Variants in CLIP2 observed in about 807,000 individuals in gnomAD.
The protein encoded by CLIP2 is CAP-Gly domain containing linker protein 2, also known as CAP-Gly domain-containing linker protein 2.
In CLIP2, 41 loss-of-function variants were observed where a neutral mutation model predicts 111.7. The ratio of observed to expected loss-of-function variants is 0.37; its 90% CI spans 0.29 to 0.48. The LOEUF is 0.48. Ranked by LOEUF, CLIP2 falls within the 20% of genes least tolerant of loss-of-function variation. CLIP2 has a pLI of 0.99. For synonymous variants in CLIP2, 660 were observed against 644.2 expected (o/e 1.02, Z -0.37); for missense variants, 1,160 against 1,422.1 (o/e 0.82, Z 2.96).
intron 8 of CLIP2, among the ~76,000 whole-genome samples, chr7:74,372,347 T>C (rs1310457287): frequency 7.3e-6 from 1 of 136,946 alleles, no homozygotes; most frequent in Non-Finnish European, 1.5e-5. Context: ...AGGGGTCGGG[T>C]ATATTTTGGA....
chr7:74,359,187 T>C (rs1472127472), intron 6 of CLIP2, among the ~76,000 whole-genome samples: 3 of 151,638 alleles, frequency 2.0e-5, no homozygotes, highest in African/African-American at 7.3e-5. Context: ...CAGGCTGGTC[T>C]TGAACTCCTG....
chr7:74,375,002 TA>T (rs1172538971), intron 9 of CLIP2, among the ~76,000 whole-genome samples: 1 of 152,062 alleles, frequency 6.6e-6, no homozygotes, highest in African/African-American at 2.4e-5. Context: ...ATATCCTTCC[TA>T]AGGCAGGATA....
At chr7:74,349,470 GTATATATATA>G (rs1158400867) in intron 3 of CLIP2, among the ~76,000 whole-genome samples, 30 of 33,780 alleles carry the variant, frequency 8.9e-4, no homozygotes, top group South Asian at 3.6e-3. Flanking sequence ...GTGTGTGTGT[GTATATATATA>G]TATATATATA....
chr7:74,354,547 G>T (rs1293361), intron 4 of CLIP2, among the ~76,000 whole-genome samples: 1 of 151,846 alleles, frequency 6.6e-6, no homozygotes, highest in Non-Finnish European at 1.5e-5. Context: ...CTGGGGAGGC[G>T]TCGGTTGCAG....
At chr7:74,389,391 G>A (rs572769005) in intron 13 of CLIP2, 132 bp downstream of exon 13, 12 of 854,700 alleles carry the variant, frequency 1.4e-5, no homozygotes, top group Middle Eastern at 3.6e-4. Flanking sequence ...GATCTCGAGC[G>A]ATCACCCTGC....
chr7:74,400,970 T>C (rs1206829674), intron 15 of CLIP2, among the ~76,000 whole-genome samples: 1 of 137,522 alleles, frequency 7.3e-6, no homozygotes, highest in African/African-American at 2.8e-5. Context: ...GGGGAGGCAT[T>C]TCTGTCCTAG....
chr7:74,390,367 C>G (rs1356569272), intron 13 of CLIP2, among the ~76,000 whole-genome samples: 4 of 152,042 alleles, frequency 2.6e-5, no homozygotes, highest in African/African-American at 9.7e-5. Flanking sequence ...AGATACGAAT[C>G]CATCTTAAAA....
At chr7:74,394,714 GA>G (rs1297653010) in intron 13 of CLIP2, among the ~76,000 whole-genome samples, 4 of 152,194 alleles carry the variant, frequency 2.6e-5, no homozygotes, top group Admixed American at 6.6e-5. Context: ...CCCTGCCCAG[GA>G]GGGAAACAGA....
chr7:74,314,998 C>T (rs948081372), intron 1 of CLIP2, among the ~76,000 whole-genome samples: 11 of 152,306 alleles, frequency 7.2e-5, no homozygotes, highest in East Asian at 1.9e-4. Flanking sequence ...CAAAGCTGGC[C>T]GGGCGTGGTG....
Position 74,400,507 on chromosome 7 carries a change from G to T in CLIP2, c.3018G>T (p.Gln1006His), listed in dbSNP as rs782373535. ...ALRDALDQAQQVEKLMEAMRS... is the reference protein window; with the variant it reads ...ALRDALDQAQHVEKLMEAMRS... ...GGGATGCGCTGGACCAGGCTCAGCA[G>T]GTGGAGAAGCTGATGGAGGCCATGA... The change falls in exon 15 of 17, where the codon CAG becomes CAT. Residue 1006 changes from glutamine to histidine, a missense_variant. By Grantham distance (24) the Gln-to-His change is conservative. Around this residue, in one of 5 missense-constraint regions of CLIP2, gnomAD observed 676 missense variants for 777.8 expected, o/e 0.87. Coordinates refer to ENST00000223398, the MANE Select transcript of CLIP2 (RefSeq NM_003388.5). 1.4e-5 allele frequency: 23 copies of T among 1,610,740 alleles called. No homozygotes were observed. The South Asian group carries it at 2.4e-4, about 17-fold the overall frequency.
At position 74,355,470 on chromosome 7, in the gene CLIP2, C is replaced by A. The variant is rs113988758; in HGVS notation, c.804-940C>A. On this transcript the variant is annotated intron_variant, in intron 4 of 16. Coordinates refer to ENST00000223398, the MANE Select transcript of CLIP2 (RefSeq NM_003388.5). ...ACAAAAGATACAAAAATTAGCTGGG[C>A]GTAGTAGCACACACCTGTGGTTTCA... 6.1e-3 allele frequency among the ~76,000 whole-genome samples: 935 copies of A among 152,188 alleles called. 11 individuals are homozygous for A. Among genetic ancestry groups the A allele is most frequent in the African/African-American group, 0.022 (907 of 41,540 alleles).
At chr7:74,399,839 CTCTG>C (rs1213518841) in intron 14 of CLIP2, among the ~76,000 whole-genome samples, 3 of 151,132 alleles carry the variant, frequency 2.0e-5, no homozygotes, top group Admixed American at 2.0e-4. Context: ...CAGGCTCGGT[CTCTG>C]TCTCTTTTTT....
At chr7:74,352,761 C>A (rs1554307787) in intron 3 of CLIP2, among the ~76,000 whole-genome samples, 1 of 151,774 alleles carries the variant, frequency 6.6e-6, no homozygotes, top group East Asian at 1.9e-4. Flanking sequence ...TAAATCCCAG[C>A]CCTTTGGGAG....
In CLIP2 at chr7:74,376,586, G is replaced by A. The variant is rs781931463; in HGVS notation, c.2185G>A (p.Glu729Lys). The change falls in exon 10 of 17, where the codon GAG (glutamate) becomes AAG (lysine). Residue 729 changes from glutamate (E) to lysine (K), a missense_variant. Transcript: ENST00000223398. This position sits in a 1 kb window ranked among gnomAD's most constrained non-coding sequence, Gnocchi z 7.1. ...GGCCCAGGACCAGCGCCGGGATGCCGAGCTGCGTGTGCACGAGCTGGAAAA... is the reference window on the plus strand; with the variant it reads ...GGCCCAGGACCAGCGCCGGGATGCCAAGCTGCGTGTGCACGAGCTGGAAAA... ...QEAQDQRRDA[E>K]LRVHELEKLD... 9 of 1,611,534 alleles carry A rather than the reference G, an allele frequency of 5.6e-6. No individual in the cohort carries two copies. The highest frequency in any genetic ancestry group is 1.7e-5 in the Admixed American group (1 of 59,414).
chr7:74,393,938 G>A (rs954560488), intron 13 of CLIP2, among the ~76,000 whole-genome samples: 6 of 152,094 alleles, frequency 3.9e-5, no homozygotes, highest in African/African-American at 1.4e-4. Context: ...TCCCTCCCCT[G>A]TCTCCCATCC....
intron 3 of CLIP2, among the ~76,000 whole-genome samples, chr7:74,351,709 G>A (rs1252454464): frequency 1.3e-5 from 2 of 152,056 alleles, no homozygotes; most frequent in Admixed American, 6.6e-5. Context: ...GGTGACAAAC[G>A]CCTATAATCC....
chr7:74,360,316 C>G, intron 7 of CLIP2, 38 bp downstream of exon 7: 3 of 1,485,610 alleles, frequency 2.0e-6, no homozygotes, highest in Non-Finnish European at 2.8e-6. Flanking sequence ...CCCTGAGTCC[C>G]CTTAAGGAGG....
intron 3 of CLIP2, among the ~76,000 whole-genome samples, chr7:74,339,522 T>C (rs1584341005): frequency 6.6e-6 from 1 of 151,982 alleles, no homozygotes; most frequent in Non-Finnish European, 1.5e-5. Flanking sequence ...ACCAGACTGG[T>C]CTTGAACTCC....
intron 8 of CLIP2, chr7:74,364,644 T>A (rs2116627140): frequency 2.6e-6 from 1 of 386,262 alleles, no homozygotes; most frequent in East Asian, 6.1e-5. Context: ...AAGGTGCCCC[T>A]TCGTTCATCT....
Sources: allele counts gnomAD v4.1 joint callset (sites outside exome capture counted in the v4.1 genomes callset), GRCh38; gene constraint gnomAD v4.1.1; regional missense constraint gnomAD v4.1.1; non-coding constraint Gnocchi (gnomAD v3.1); transcripts MANE v1.5; gene names NCBI Gene and HGNC (gene_info 2026-07-23, HGNC 2026-07-21).